Variants in RAB3GAP2 observed in about 807,000 individuals in gnomAD.
RAB3GAP2 encodes RAB3 GTPase activating non-catalytic protein subunit 2.
RAB3GAP2 carries 87 observed loss-of-function variants against 185.3 expected under a neutral mutation model. The observed-to-expected ratio is 0.47, with a 90% CI of 0.39 to 0.56. The LOEUF is 0.56. RAB3GAP2 is among the 20% of genes least tolerant of loss of function. The pLI, the probability that RAB3GAP2 is intolerant of heterozygous loss-of-function variation, is 0.00. For synonymous variants in RAB3GAP2, 554 were observed against 576.1 expected, an observed-to-expected ratio of 0.96 and a Z score of 0.55; for missense variants, 1,492 against 1,638.2, an observed-to-expected ratio of 0.91 and a Z score of 1.54.
chr1:220,196,618 G>A (rs1374999085), intron 9 of RAB3GAP2, among the ~76,000 whole-genome samples: 1 of 151,988 alleles, frequency 6.6e-6, no homozygotes, highest in Non-Finnish European at 1.5e-5. Context: ...ATCACTTGAG[G>A]TCAAGAGTTT....
In RAB3GAP2 at chr1:220,209,701, A is replaced by G. The variant is rs565599668; in HGVS notation, c.612+687T>C. Among the ~76,000 whole-genome samples the G allele has an allele frequency of 3.3e-5, 5 of 152,328 alleles. No homozygotes were observed. In the South Asian group the frequency reaches 1.0e-3, roughly 32 times the overall value. On this transcript the variant is annotated intron_variant, in intron 7 of 34. Coordinates refer to ENST00000358951, the MANE Select transcript of RAB3GAP2 (RefSeq NM_012414.4). Reference sequence around the variant, plus strand: ...AATTAAATTAACAAATGCATACAGTATATACATCTGTTCACTTGAAATCTT... The same window carrying G: ...AATTAAATTAACAAATGCATACAGTGTATACATCTGTTCACTTGAAATCTT...
At chr1:220,249,578 C>T (rs1419469262) in intron 1 of RAB3GAP2, among the ~76,000 whole-genome samples, 1 of 152,114 alleles carries the variant, frequency 6.6e-6, no homozygotes, top group African/African-American at 2.4e-5. Flanking sequence ...CAGAAATTTG[C>T]ATAAGTAATG....
chr1:220,217,634 C>T (rs1450383249), intron 2 of RAB3GAP2, among the ~76,000 whole-genome samples: 1 of 152,074 alleles, frequency 6.6e-6, no homozygotes, highest in African/African-American at 2.4e-5. Flanking sequence ...CCACATGTAG[C>T]ACAGTCCACT....
chr1:220,238,548 T>TA (rs1194359236), intron 1 of RAB3GAP2, among the ~76,000 whole-genome samples: 1 of 152,182 alleles, frequency 6.6e-6, no homozygotes, highest in African/African-American at 2.4e-5. Flanking sequence ...TTGTTATAGT[T>TA]AAAATATGCA....
At position 220,213,074 on chromosome 1, in the gene RAB3GAP2, C is replaced by T. The variant is rs1047208917; in HGVS notation, c.305-106G>A. Reference sequence around the variant, plus strand: ...CTTAGAATATGATTACAAAATTTAACAGTTGTGTATTAACTGACTTGGGTC... The same window carrying T: ...CTTAGAATATGATTACAAAATTTAATAGTTGTGTATTAACTGACTTGGGTC... On this transcript the variant is annotated intron_variant, in intron 3 of 34. Coordinates refer to ENST00000358951, the MANE Select transcript of RAB3GAP2 (RefSeq NM_012414.4). The T allele has an allele frequency of 1.8e-5, 14 of 777,278 alleles. No individual in the cohort carries two copies. In the African/African-American group the frequency reaches 2.5e-4, roughly 14 times the overall value. 48.1% of individuals were successfully genotyped at this position (777,278 alleles called of 1,614,324 possible). A position where few individuals can be genotyped will look rare whatever the true frequency, so the allele number is the denominator to read the frequency against.
At chr1:220,187,626 C>A (rs184224541) in intron 17 of RAB3GAP2, among the ~76,000 whole-genome samples, 74 of 152,138 alleles carry the variant, frequency 4.9e-4, no homozygotes, top group Non-Finnish European at 3.4e-4. Context: ...TCCATCAACA[C>A]CCAAAAGGAC....
intron 13 of RAB3GAP2, 132 bp downstream of exon 13, chr1:220,193,108 T>C (rs1658655803): frequency 2.6e-6 from 3 of 1,144,422 alleles, no homozygotes; most frequent in Admixed American, 2.0e-5. Context: ...TCTGAGTTCA[T>C]GTCAAAAAAA....
intron 2 of RAB3GAP2, among the ~76,000 whole-genome samples, chr1:220,225,564 T>C (rs1306887475): frequency 6.6e-6 from 1 of 152,208 alleles, no homozygotes; most frequent in Non-Finnish European, 1.5e-5. Flanking sequence ...TGTCTCTAGA[T>C]GATGCCAAAT....
chr1:220,197,397 G>C (rs1221071743), intron 9 of RAB3GAP2, among the ~76,000 whole-genome samples: 1 of 152,176 alleles, frequency 6.6e-6, no homozygotes, highest in Non-Finnish European at 1.5e-5. Flanking sequence ...CTTAAGACGT[G>C]TCCTAGGAAA....
chr1:220,204,607 T>G (rs565450895), intron 8 of RAB3GAP2, among the ~76,000 whole-genome samples: 4 of 152,274 alleles, frequency 2.6e-5, no homozygotes, highest in South Asian at 4.1e-4. Context: ...TATTATATTT[T>G]AAGTTTTAGG....
chr1:220,169,459 A>C (rs928575539), intron 24 of RAB3GAP2, among the ~76,000 whole-genome samples: 21 of 152,220 alleles, frequency 1.4e-4, no homozygotes, highest in Admixed American at 2.6e-4. Flanking sequence ...TGAATCATGA[A>C]AGGTTTCCTG....
At chr1:220,267,030 C>T in intron 1 of RAB3GAP2, 2 of 1,611,416 alleles carry the variant, frequency 1.2e-6, no homozygotes, top group Non-Finnish European at 1.7e-6. Flanking sequence ...TTTCGGGGGG[C>T]AGGTAGTCCA....
chr1:220,197,425 G>T (rs149602453), intron 9 of RAB3GAP2, among the ~76,000 whole-genome samples: 41 of 152,312 alleles, frequency 2.7e-4, no homozygotes, highest in African/African-American at 9.1e-4. Flanking sequence ...CTTTGAGTGA[G>T]TTCATACGCA....
chr1:220,177,254 A>C (rs1281034443), intron 21 of RAB3GAP2, among the ~76,000 whole-genome samples: 1 of 152,250 alleles, frequency 6.6e-6, no homozygotes, highest in Non-Finnish European at 1.5e-5. Flanking sequence ...CTGGGCTTAG[A>C]GTGATGTCAA....
intron 26 of RAB3GAP2, among the ~76,000 whole-genome samples, chr1:220,165,725 T>C (rs1658050325): frequency 6.6e-6 from 1 of 152,236 alleles, no homozygotes; most frequent in Non-Finnish European, 1.5e-5. Flanking sequence ...GTCAAAATGT[T>C]AGGCACTATG....
At position 220,180,770 on chromosome 1, in the gene RAB3GAP2, C is replaced by G. The variant is rs143715959; in HGVS notation, c.2310+1487G>C. Among the ~76,000 whole-genome samples the G allele has an allele frequency of 2.6e-4, 39 of 152,290 alleles. No individual in the cohort carries two copies. In the East Asian group the frequency reaches 5.0e-3, roughly 20 times the overall value. Reference sequence around the variant, plus strand: ...CCCAGATACCAAAACCAGACACATACATAATAAAAACAACACATTAAACCA... The same window carrying G: ...CCCAGATACCAAAACCAGACACATAGATAATAAAAACAACACATTAAACCA... On this transcript the variant is annotated intron_variant, in intron 21 of 34. Transcript: ENST00000358951.
chr1:220,189,238 C>A (rs899706020), intron 17 of RAB3GAP2, among the ~76,000 whole-genome samples: 4 of 151,564 alleles, frequency 2.6e-5, no homozygotes, highest in African/African-American at 9.7e-5. Flanking sequence ...GTATATAAAA[C>A]ACACTCAGAT....
intron 29 of RAB3GAP2, among the ~76,000 whole-genome samples, chr1:220,159,145 T>C (rs573632451): frequency 2.6e-5 from 4 of 152,310 alleles, no homozygotes; most frequent in African/African-American, 7.2e-5. Context: ...AGTTCAAAGC[T>C]GAACAACATC....
At chr1:220,256,884 T>C (rs981049788) in intron 1 of RAB3GAP2, among the ~76,000 whole-genome samples, 3 of 152,160 alleles carry the variant, frequency 2.0e-5, no homozygotes, top group East Asian at 1.9e-4. Context: ...AACTCAGCTC[T>C]AAAACAAGTG....
Sources: allele counts gnomAD v4.1 joint callset (sites outside exome capture counted in the v4.1 genomes callset), GRCh38; gene constraint gnomAD v4.1.1; transcripts MANE v1.5; gene names NCBI Gene and HGNC (gene_info 2026-07-23, HGNC 2026-07-21).